NBN: variants seen among roughly 807,000 people sequenced by gnomAD.
The protein encoded by NBN is Nijmegen breakage syndrome 1 (nibrin).
In NBN, 88 loss-of-function variants were observed where a neutral mutation model predicts 90.8. The ratio of observed to expected loss-of-function variants is 0.97; its 90% CI spans 0.82 to 1.16. The LOEUF (loss-of-function observed/expected upper bound fraction) is 1.16, where lower values mean the gene tolerates loss of function less well. Ranked by LOEUF, NBN falls within the 50% of genes most tolerant of loss-of-function variation. NBN has a pLI of 0.00. For synonymous variants in NBN, 328 were observed against 295.1 expected (o/e 1.11, Z -1.14); for missense variants, 894 against 869.6 (o/e 1.03, Z -0.35).
chr8:89,937,167 A>T, intron 14 of NBN, 92 bp from the exon 15 acceptor site: 2 of 1,219,578 alleles, frequency 1.6e-6, no homozygotes, highest in Admixed American at 1.8e-5. Flanking sequence ...CATCTTAGAG[A>T]TTTCCACATC....
At chr8:89,939,189 AG>A (rs1809823631) in intron 14 of NBN, among the ~76,000 whole-genome samples, 1 of 152,172 alleles carries the variant, frequency 6.6e-6, no homozygotes, top group African/African-American at 2.4e-5. Context: ...TCTGCAGCAG[AG>A]GTAGAGAAAG....
chr8:89,953,091 A>G (rs1040665094), intron 11 of NBN, among the ~76,000 whole-genome samples, 153 bp downstream of exon 11: 1 of 152,196 alleles, frequency 6.6e-6, no homozygotes, highest in African/African-American at 2.4e-5. Context: ...TGTACTTTTA[A>G]CATTTACCAT....
intron 8 of NBN, among the ~76,000 whole-genome samples, chr8:89,963,403 C>T (rs965176162): frequency 6.6e-6 from 1 of 152,078 alleles, no homozygotes; most frequent in Non-Finnish European, 1.5e-5. Flanking sequence ...AATAACTACA[C>T]AACAAATCCA....
Position 89,981,595 on chromosome 8 carries a change from A to G in NBN, c.172-72T>C, listed in dbSNP as rs1430167907. ...TCACTTCTCAGAGAAAAAGTTTTCAAAAGAAAAGACAATAGGCAGGTGGCT... is the reference window on the plus strand; with the variant it reads ...TCACTTCTCAGAGAAAAAGTTTTCAGAAGAAAAGACAATAGGCAGGTGGCT... On this transcript the variant is annotated intron_variant, in intron 2 of 15. Coordinates refer to ENST00000265433, the MANE Select transcript of NBN (RefSeq NM_002485.5). The G allele has an allele frequency of 1.9e-6, 3 of 1,554,890 alleles. No individual in the cohort carries two copies. In the East Asian group the frequency reaches 6.7e-5, roughly 35 times the overall value.
At position 89,933,453 on chromosome 8, in the gene NBN, C is replaced by A. The variant is rs117807915; in HGVS notation, c.*2129G>T. 0.013 allele frequency: 2,946 copies of A among 228,966 alleles called. 48 individuals are homozygous for A. The highest frequency in any genetic ancestry group is 0.021 in the Non-Finnish European group (2,470 of 115,626). 14.2% of individuals were successfully genotyped at this position (228,966 alleles called of 1,614,324 possible). ...AGGATGGACAAACATTTCAGTGTAA[C>A]CAAACAGAAAGTCCAGAAACAGATC... is the stretch of plus-strand genomic sequence containing the variant. On this transcript the variant is annotated 3_prime_UTR_variant, in exon 16 of 16. Transcript: ENST00000265433.
At chr8:89,956,391 C>T (rs1429787533) in intron 9 of NBN, among the ~76,000 whole-genome samples, 3 of 151,956 alleles carry the variant, frequency 2.0e-5, no homozygotes, top group African/African-American at 7.2e-5. Flanking sequence ...AAATAAAAAA[C>T]ATACGGTTGT....
At chr8:89,948,263 A>G (rs1263858044) in intron 11 of NBN, among the ~76,000 whole-genome samples, 2 of 152,344 alleles carry the variant, frequency 1.3e-5, no homozygotes, top group East Asian at 3.9e-4. Flanking sequence ...AAATACCAAA[A>G]TATTAACCAT....
At chr8:89,979,211 T>G (rs1811929352) in intron 4 of NBN, among the ~76,000 whole-genome samples, 1 of 152,194 alleles carries the variant, frequency 6.6e-6, no homozygotes, top group South Asian at 2.1e-4. Flanking sequence ...ATTCCTGGGC[T>G]CAAGCAATCC....
chr8:89,950,994 T>C (rs1482513375), intron 11 of NBN, among the ~76,000 whole-genome samples: 1 of 151,852 alleles, frequency 6.6e-6, no homozygotes, highest in Non-Finnish European at 1.5e-5. Context: ...ACCATAGCAG[T>C]AGACTAATCT....
chr8:89,940,230 C>A (rs1321770315), intron 14 of NBN, among the ~76,000 whole-genome samples: 1 of 152,118 alleles, frequency 6.6e-6, no homozygotes, highest in African/African-American at 2.4e-5. Flanking sequence ...GGACTATGGG[C>A]ACATGCACTA....
At chr8:89,964,225 A>G (rs943756126) in intron 8 of NBN, among the ~76,000 whole-genome samples, 185 bp downstream of exon 8, 1 of 152,220 alleles carries the variant, frequency 6.6e-6, no homozygotes, top group East Asian at 1.9e-4. Context: ...TTACCACTTC[A>G]TAACAGTTTC....
rs1810047779 is a variant in NBN at position 89,943,481 on chromosome 8, A to C, written c.2071-115T>G. ...TCATGCATAAGTGCCAAAGATGTTTATATTCTACAAATAAAAGTGAGAGCA... is the reference window on the plus strand; with the variant it reads ...TCATGCATAAGTGCCAAAGATGTTTCTATTCTACAAATAAAAGTGAGAGCA... On this transcript the variant is annotated intron_variant, in intron 13 of 15. Transcript: ENST00000265433. 6.5e-6 allele frequency: 7 copies of C among 1,081,908 alleles called. No homozygotes were observed. The East Asian group carries it at 1.8e-4, about 28-fold the overall frequency. 67.0% of individuals were successfully genotyped at this position (1,081,908 alleles called of 1,614,324 possible).
At chr8:89,970,340 T>A (rs1472404758) in intron 7 of NBN, 24 bp downstream of exon 7, 1 of 1,571,456 alleles carries the variant, frequency 6.4e-7, no homozygotes, top group Non-Finnish European at 8.7e-7. Flanking sequence ...TGCAGTTTTT[T>A]ACTAATAAAG....
chr8:89,943,355 A>G lies in NBN; in HGVS notation c.2082T>C (p.Pro694=), dbSNP rs7823648. The G allele has an allele frequency of 1.9e-5, 31 of 1,603,178 alleles. 1 individual carries two copies. The South Asian group carries it at 3.2e-4, about 17-fold the overall frequency. ...NFKKFKKVTY[P]GAGKLPHIIG... is the part of the protein sequence containing the mutation. ...TGATGTGTGGAAGTTTTCCTGCTCC[A>G]GGATATGTGACCTATTGAATAATAA... is the stretch of plus-strand genomic sequence containing the variant. The change falls in exon 14 of 16, where the codon CCT becomes CCC. Residue 694 remains proline (P), a synonymous_variant. Coordinates refer to ENST00000265433, the MANE Select transcript of NBN (RefSeq NM_002485.5).
chr8:89,969,007 T>C (rs544362859), intron 7 of NBN, among the ~76,000 whole-genome samples: 1 of 152,232 alleles, frequency 6.6e-6, no homozygotes, highest in Non-Finnish European at 1.5e-5. Flanking sequence ...TTACTTTTTA[T>C]TTCAGCAAGC....
chr8:89,942,029 A>G (rs1303568089), intron 14 of NBN, among the ~76,000 whole-genome samples: 1 of 152,220 alleles, frequency 6.6e-6, no homozygotes, highest in Non-Finnish European at 1.5e-5. Flanking sequence ...AGTATCTGCA[A>G]GTCATGAAAA....
chr8:89,967,011 AG>A (rs1294193027), intron 7 of NBN, among the ~76,000 whole-genome samples: 13 of 152,362 alleles, frequency 8.5e-5, no homozygotes, highest in African/African-American at 3.1e-4. Context: ...TTTACTATAT[AG>A]CAGGTCCTCG....
At position 89,935,329 on chromosome 8, in the gene NBN, G is replaced by T; in HGVS notation, c.*253C>A. The T allele has an allele frequency of 2.3e-6, 1 of 425,794 alleles. No homozygotes were observed. Among genetic ancestry groups the T allele is most frequent in the Non-Finnish European group, 4.2e-6 (1 of 235,390 alleles). 26.4% of individuals were successfully genotyped at this position (425,794 alleles called of 1,614,324 possible). On this transcript the variant is annotated 3_prime_UTR_variant, in exon 16 of 16. Transcript: ENST00000265433. Reference sequence around the variant, plus strand: ...ACGTACATTTAGAATTTTGAACTGTGACTATATTAACTATTTAATAAACAA... The same window carrying T: ...ACGTACATTTAGAATTTTGAACTGTTACTATATTAACTATTTAATAAACAA...
chr8:89,975,218 T>C (rs549121459), intron 5 of NBN, among the ~76,000 whole-genome samples: 1 of 152,358 alleles, frequency 6.6e-6, no homozygotes, highest in Non-Finnish European at 1.5e-5. Flanking sequence ...AGTGCAAAGA[T>C]GTAGACATAG....
Sources: allele counts gnomAD v4.1 joint callset (sites outside exome capture counted in the v4.1 genomes callset), GRCh38; gene constraint gnomAD v4.1.1; transcripts MANE v1.5; gene names NCBI Gene and HGNC (gene_info 2026-07-23, HGNC 2026-07-21).